The following PRKG1 variants were observed in gnomAD, a reference collection of about 807,000 sequenced individuals.
PRKG1 encodes the protein cGMP-dependent protein kinase 1.
PRKG1 carries 35 observed loss-of-function variants against 88.1 expected under a neutral mutation model. The ratio of observed to expected loss-of-function variants is 0.40; its 90% CI spans 0.30 to 0.53. The LOEUF is 0.53. Ranked by LOEUF, PRKG1 falls within the 20% of genes least tolerant of loss-of-function variation. PRKG1 has a pLI of 0.59. For synonymous variants in PRKG1, 303 were observed against 292.5 expected, an observed-to-expected ratio of 1.04 and a Z score of -0.37; for missense variants, 540 against 839.8, an observed-to-expected ratio of 0.64 and a Z score of 4.41.
intron 2 of PRKG1, among the ~76,000 whole-genome samples, chr10:51,163,823 G>A (rs1009733238): frequency 2.0e-5 from 3 of 152,174 alleles, no homozygotes; most frequent in Non-Finnish European, 4.4e-5. Flanking sequence ...CAAACTGCAA[G>A]GCCGCAGCGA....
chr10:51,930,540 C>T (rs1842672648), intron 5 of PRKG1, among the ~76,000 whole-genome samples: 1 of 117,376 alleles, frequency 8.5e-6, no homozygotes, highest in Non-Finnish European at 1.6e-5. Context: ...GTTCAGGTTA[C>T]AGTTCAGCGG....
intron 9 of PRKG1, among the ~76,000 whole-genome samples, chr10:52,244,517 C>T (rs1227195565): frequency 8.9e-6 from 1 of 112,380 alleles, no homozygotes; most frequent in African/African-American, 2.6e-5. Context: ...ACATTTTCCA[C>T]GTACACAAAA....
At chr10:51,106,172 C>T (rs74358682) in intron 1 of PRKG1, among the ~76,000 whole-genome samples, 9,007 of 152,260 alleles carry the variant, frequency 0.059, 377 homozygotes, top group Non-Finnish European at 0.091. Context: ...CTCTATGCCT[C>T]AGTTTCCTTA....
intron 1 of PRKG1, among the ~76,000 whole-genome samples, chr10:50,994,164 AG>A: frequency 6.6e-6 from 1 of 152,166 alleles, no homozygotes; most frequent in South Asian, 2.1e-4. Context: ...AAGTTTTGAC[AG>A]GTATAATATA....
intron 7 of PRKG1, among the ~76,000 whole-genome samples, chr10:52,121,818 T>C (rs897923059): frequency 6.6e-6 from 1 of 152,188 alleles, no homozygotes; most frequent in African/African-American, 2.4e-5. Flanking sequence ...ACAGCTCCTG[T>C]CTTCTGAGCC....
At chr10:52,154,552 ATATT>A (rs752495015) in intron 8 of PRKG1, among the ~76,000 whole-genome samples, 2 of 152,226 alleles carry the variant, frequency 1.3e-5, no homozygotes, top group Non-Finnish European at 1.5e-5. Context: ...TTAAGATAGA[ATATT>A]TATAATATCA....
chr10:52,150,862 A>G (rs910248739), intron 8 of PRKG1, among the ~76,000 whole-genome samples: 1 of 152,172 alleles, frequency 6.6e-6, no homozygotes, highest in African/African-American at 2.4e-5. Flanking sequence ...AGTTTCCCAG[A>G]AGCAGTTTTT....
intron 3 of PRKG1, among the ~76,000 whole-genome samples, chr10:51,607,375 T>C (rs1838793776): frequency 6.6e-6 from 1 of 152,218 alleles, no homozygotes. Flanking sequence ...AAATTGAATA[T>C]ATGATGTAGC....
At chr10:51,233,439 C>T (rs1838899714) in intron 2 of PRKG1, among the ~76,000 whole-genome samples, 1 of 152,084 alleles carries the variant, frequency 6.6e-6, no homozygotes, top group Non-Finnish European at 1.5e-5. Context: ...ACTAGACAAC[C>T]TTCAGTATTA....
intron 2 of PRKG1, among the ~76,000 whole-genome samples, chr10:51,170,428 G>A (rs1229354102): frequency 7.8e-6 from 1 of 128,094 alleles, no homozygotes; most frequent in Non-Finnish European, 1.6e-5. Context: ...TTTTTCAAAT[G>A]TCTGGGTATA....
chr10:51,193,848 C>T (rs555824919), intron 2 of PRKG1, among the ~76,000 whole-genome samples: 39 of 152,262 alleles, frequency 2.6e-4, no homozygotes, highest in African/African-American at 7.0e-4. Flanking sequence ...CAAATCTGCA[C>T]ATTTGTGCCT....
intron 1 of PRKG1, among the ~76,000 whole-genome samples, chr10:51,095,134 G>T (rs1388761253): frequency 6.6e-6 from 1 of 152,098 alleles, no homozygotes; most frequent in Admixed American, 6.6e-5. Flanking sequence ...CGTCTGGAGG[G>T]TTTATGATCT....
intron 3 of PRKG1, among the ~76,000 whole-genome samples, chr10:51,633,364 A>C (rs1839574420): frequency 6.6e-6 from 1 of 152,160 alleles, no homozygotes; most frequent in South Asian, 2.1e-4. Context: ...CACCCTTTCT[A>C]ACAGTTTAGC....
intron 3 of PRKG1, among the ~76,000 whole-genome samples, chr10:51,797,179 A>T (rs1564650541): frequency 6.9e-6 from 1 of 145,096 alleles, no homozygotes; most frequent in African/African-American, 2.5e-5. Context: ...GTATCTGAGT[A>T]TTTTTTTTTT....
Position 51,352,772 on chromosome 10 carries a change from G to A in PRKG1, c.479-114951G>A, listed in dbSNP as rs560770345. Among the ~76,000 whole-genome samples the A allele has an allele frequency of 9.9e-5, 15 of 152,064 alleles. No individual in the cohort carries two copies. The South Asian group carries it at 2.7e-3, about 27-fold the overall frequency. On this transcript the variant is annotated intron_variant, in intron 2 of 17. Transcript: ENST00000373980. ...AAATAGAAAAAAAATCCTAAAATTTGCATGAAATCAGAAATACCCAGAAGA... is the reference window on the plus strand; with the variant it reads ...AAATAGAAAAAAAATCCTAAAATTTACATGAAATCAGAAATACCCAGAAGA...
At position 51,456,429 on chromosome 10, in the gene PRKG1, C is replaced by T. The variant is rs564957055; in HGVS notation, c.479-11294C>T. On this transcript the variant is annotated intron_variant, in intron 2 of 17. Transcript: ENST00000373980. Reference sequence around the variant, plus strand: ...CTGGATCCTCATCTCTCACCTTATACAAAAATTAACTCAAAATATATCAAA... The same window carrying T: ...CTGGATCCTCATCTCTCACCTTATATAAAAATTAACTCAAAATATATCAAA... Among the ~76,000 whole-genome samples, 38 of 152,068 alleles carry T rather than the reference C, an allele frequency of 2.5e-4. No individual in the cohort carries two copies. In the South Asian group the frequency reaches 7.9e-3, roughly 32 times the overall value.
At chr10:51,071,680 A>C (rs553582007), upstream of PRKG1, among the ~76,000 whole-genome samples, 253 of 152,310 alleles carry the variant, frequency 1.7e-3, 1 homozygote, top group African/African-American at 5.4e-3. Flanking sequence ...AGTGTAAAAA[A>C]ACTCACTTTT....
At chr10:51,962,604 G>T (rs1381534707) in intron 5 of PRKG1, among the ~76,000 whole-genome samples, 1 of 152,112 alleles carries the variant, frequency 6.6e-6, no homozygotes, top group African/African-American at 2.4e-5. Flanking sequence ...TAAATTTGGA[G>T]TTCACCAGGG....
intron 2 of PRKG1, among the ~76,000 whole-genome samples, chr10:51,218,529 AT>A (rs1332262774): frequency 2.4e-4 from 15 of 62,874 alleles, no homozygotes; most frequent in African/African-American, 1.1e-3. Flanking sequence ...ATATATATAT[AT>A]AAAATGTGTG....
Sources: gnomAD v4.1 joint callset for allele counts (sites outside exome capture counted in the v4.1 genomes callset) on GRCh38, gnomAD v4.1.1 for gene constraint, MANE v1.5 for transcripts, NCBI Gene and HGNC (gene_info 2026-07-23, HGNC 2026-07-21) for gene names.